Variants in USP13 observed in about 807,000 individuals in gnomAD.
USP13 encodes ubiquitin specific peptidase 13, also known as ubiquitin carboxyl-terminal hydrolase 13.
USP13 carries 68 observed loss-of-function variants against 107.8 expected under a neutral mutation model. The ratio of observed to expected loss-of-function variants is 0.63; its 90% CI spans 0.52 to 0.77. USP13 has a LOEUF of 0.77. Ranked by LOEUF, USP13 falls within the 30% of genes least tolerant of loss-of-function variation. The pLI is 0.00. For synonymous variants in USP13, 377 were observed against 389.5 expected (o/e 0.97, Z 0.38); for missense variants, 945 against 1,093.3 (o/e 0.86, Z 1.91).
rs567679231 is a variant in USP13 at position 179,708,206 on chromosome 3, CG to C, written c.621-566del. The stretch of plus-strand genomic sequence containing the variant: ...TAGCCTGAAGTTTTGTGTCAGTTTT[CG>C]AAAGTAAAAAAGCCACTTGGAGATG... On this transcript the variant is annotated intron_variant, in intron 5 of 20. Transcript: ENST00000263966. 4.3e-3 allele frequency among the ~76,000 whole-genome samples: 649 copies of C among 152,190 alleles called. 8 individuals are homozygous for C. Among genetic ancestry groups the C allele is most frequent in the African/African-American group, 0.015 (611 of 41,506 alleles).
At chr3:179,767,488 G>A (rs1208598288) in intron 19 of USP13, among the ~76,000 whole-genome samples, 4 of 150,894 alleles carry the variant, frequency 2.7e-5, no homozygotes, top group Non-Finnish European at 5.9e-5. Flanking sequence ...GCAGTGGCAC[G>A]ATCTTGGCTC....
rs775834552 is a variant in USP13, at chr3:179,653,654, C to T, written c.168+261C>T. ...ATTCCCAGCAGCTTGCACACAGCCC[C>T]GCCGCCGTTTAAAGATAGATGAAAT... On this transcript the variant is annotated intron_variant, in intron 1 of 20. Coordinates refer to ENST00000263966, the MANE Select transcript of USP13 (RefSeq NM_003940.3). The surrounding 1 kb of genome is among the most constrained non-coding windows in gnomAD (Gnocchi z 4.0). 153 of 481,212 alleles carry T rather than the reference C, an allele frequency of 3.2e-4. 1 individual carries two copies. Among genetic ancestry groups the T allele is most frequent in the Non-Finnish European group, 4.7e-4 (128 of 270,068 alleles). 29.8% of individuals were successfully genotyped at this position (481,212 alleles called of 1,614,324 possible).
chr3:179,730,807 C>G (rs538298523), intron 10 of USP13, 98 bp downstream of exon 10: 1 of 1,103,792 alleles, frequency 9.1e-7, no homozygotes, highest in South Asian at 1.4e-5. Flanking sequence ...ATAAATTTAG[C>G]AAGCTGTCAG....
chr3:179,657,741 T>C (rs1720313956), intron 1 of USP13, among the ~76,000 whole-genome samples: 1 of 119,036 alleles, frequency 8.4e-6, no homozygotes. Flanking sequence ...TCCAGCCTGG[T>C]GACAGAGGGG....
At chr3:179,718,593 T>G (rs1272531765) in intron 6 of USP13, among the ~76,000 whole-genome samples, 3 of 152,172 alleles carry the variant, frequency 2.0e-5, no homozygotes, top group Non-Finnish European at 4.4e-5. Flanking sequence ...CTTGAAAATG[T>G]CTCTTCTGTC....
intron 10 of USP13, among the ~76,000 whole-genome samples, chr3:179,733,786 G>A (rs1173411758): frequency 1.3e-5 from 2 of 152,222 alleles, no homozygotes; most frequent in Admixed American, 6.5e-5. Context: ...ATCACATAGT[G>A]CTTGCAAAGG....
intron 1 of USP13, among the ~76,000 whole-genome samples, chr3:179,680,770 T>C (rs555319077): frequency 6.6e-6 from 1 of 152,250 alleles, no homozygotes; most frequent in Admixed American, 6.5e-5. Context: ...CTTGAACTCT[T>C]GACCTCGTGA....
intron 10 of USP13, among the ~76,000 whole-genome samples, chr3:179,737,519 T>C (rs1381503307): frequency 6.6e-6 from 1 of 152,232 alleles, no homozygotes; most frequent in Non-Finnish European, 1.5e-5. Flanking sequence ...ATGTGATATA[T>C]ATCAGCACTG....
At chr3:179,775,097 T>C (rs1180774119) in intron 19 of USP13, among the ~76,000 whole-genome samples, 1 of 151,714 alleles carries the variant, frequency 6.6e-6, no homozygotes, top group Non-Finnish European at 1.5e-5. Context: ...TCACAAAAGT[T>C]CTTCAAGTCC....
At chr3:179,760,153 A>C (rs1443430475) in intron 16 of USP13, among the ~76,000 whole-genome samples, 1 of 151,982 alleles carries the variant, frequency 6.6e-6, no homozygotes, top group Non-Finnish European at 1.5e-5. Flanking sequence ...AACAGTGTGT[A>C]TGTGTATGTA....
Position 179,734,339 on chromosome 3 carries a change from A to G in USP13, c.1254+3630A>G, listed in dbSNP as rs1057419246. Among the ~76,000 whole-genome samples, 15 of 152,294 alleles carry G rather than the reference A, an allele frequency of 9.8e-5. 2 individuals are homozygous for G. Among genetic ancestry groups the G allele is most frequent in the Admixed American group, 3.9e-4 (6 of 15,298 alleles). ...TTTTTCTTCAAAAAATATTTTCTCTATCTTTATGCATTCTAAGGCAGTGCT... is the reference window on the plus strand; with the variant it reads ...TTTTTCTTCAAAAAATATTTTCTCTGTCTTTATGCATTCTAAGGCAGTGCT... On this transcript the variant is annotated intron_variant, in intron 10 of 20. Coordinates refer to ENST00000263966, the MANE Select transcript of USP13 (RefSeq NM_003940.3).
intron 19 of USP13, among the ~76,000 whole-genome samples, chr3:179,773,198 A>G (rs1715394427): frequency 6.6e-6 from 1 of 152,188 alleles, no homozygotes; most frequent in Non-Finnish European, 1.5e-5. Flanking sequence ...ATACCCAGAT[A>G]TTGGGTGCTT....
chr3:179,659,105 G>C (rs1720378657), intron 1 of USP13, among the ~76,000 whole-genome samples: 1 of 152,178 alleles, frequency 6.6e-6, no homozygotes, highest in Non-Finnish European at 1.5e-5. Context: ...AGATGGCTCG[G>C]TGATATTGAG....
chr3:179,728,971 AGACGG>A lies in USP13; in HGVS notation c.1089-1217_1089-1213del, dbSNP rs1181343443. ...AGAGAGGGAGAGGGAGACCGTGGGG[AGACGG>A]AGAGGAAGAGGGAGAGGGAGAGGGA... is the stretch of plus-strand genomic sequence containing the variant. On this transcript the variant is annotated intron_variant, in intron 8 of 20. Coordinates refer to ENST00000263966, the MANE Select transcript of USP13 (RefSeq NM_003940.3). Among the ~76,000 whole-genome samples the A allele has an allele frequency of 4.9e-3, 627 of 128,528 alleles. 6 individuals carry two copies. Among genetic ancestry groups the A allele is most frequent in the African/African-American group, 0.015 (578 of 37,296 alleles). 84.3% of individuals were successfully genotyped at this position (128,528 alleles called of 152,430 possible). A position where few individuals can be genotyped will look rare whatever the true frequency, so the allele number is the denominator to read the frequency against.
At chr3:179,770,579 G>A (rs1715313353) in intron 19 of USP13, among the ~76,000 whole-genome samples, 1 of 151,838 alleles carries the variant, frequency 6.6e-6, no homozygotes, top group South Asian at 2.1e-4. Flanking sequence ...TTTTCTGGTT[G>A]GTGAATTGAC....
At chr3:179,692,172 TTAA>T (rs937962576) in intron 3 of USP13, among the ~76,000 whole-genome samples, 11 of 152,292 alleles carry the variant, frequency 7.2e-5, no homozygotes, top group Non-Finnish European at 1.6e-4. Context: ...CTCCAAACTG[TTAA>T]TAGTAGCTCT....
chr3:179,773,066 C>T (rs1290027916), intron 19 of USP13, among the ~76,000 whole-genome samples: 1 of 152,138 alleles, frequency 6.6e-6, no homozygotes, highest in Non-Finnish European at 1.5e-5. Context: ...TGTTTGTCCC[C>T]TCCAAATCTC....
chr3:179,776,363 A>G (rs1227970447), intron 19 of USP13, among the ~76,000 whole-genome samples: 1 of 152,114 alleles, frequency 6.6e-6, no homozygotes, highest in Non-Finnish European at 1.5e-5. Flanking sequence ...TCTATATGAC[A>G]TTGAAAGGGT....
intron 13 of USP13, among the ~76,000 whole-genome samples, chr3:179,750,279 T>C (rs1714548046): frequency 6.9e-6 from 1 of 143,890 alleles, no homozygotes; most frequent in African/African-American, 2.6e-5. Context: ...ATAATAATAA[T>C]AATAATAAAT....
Sources: allele counts gnomAD v4.1 joint callset (sites outside exome capture counted in the v4.1 genomes callset), GRCh38; gene constraint gnomAD v4.1.1; non-coding constraint Gnocchi (gnomAD v3.1); transcripts MANE v1.5; gene names NCBI Gene and HGNC (gene_info 2026-07-23, HGNC 2026-07-21).